MECOM: variants seen among roughly 807,000 people sequenced by gnomAD.
MECOM encodes MDS1 and EVI1 complex locus.
In MECOM, 13 loss-of-function variants were observed where a neutral mutation model predicts 116.3. The observed-to-expected ratio is 0.11, with a 90% CI of 0.07 to 0.18. MECOM has a LOEUF of 0.18. Among genes scored for constraint, MECOM ranks in the 10% least tolerant of loss-of-function variants. The pLI is 1.00. For missense variants in MECOM, 1,299 were observed against 1,509.0 expected, an observed-to-expected ratio of 0.86 and a Z score of 2.31; for synonymous variants, 528 against 535.2, an observed-to-expected ratio of 0.99 and a Z score of 0.19.
At chr3:169,117,587 T>A (rs1452043127) in intron 7 of MECOM, among the ~76,000 whole-genome samples, 1 of 152,230 alleles carries the variant, frequency 6.6e-6, no homozygotes, top group Non-Finnish European at 1.5e-5. Flanking sequence ...ACACTGGTTA[T>A]CTCAGGCTTG....
chr3:169,190,828 T>C (rs1451616501), intron 2 of MECOM, among the ~76,000 whole-genome samples: 1 of 152,052 alleles, frequency 6.6e-6, no homozygotes, highest in Admixed American at 6.6e-5. Flanking sequence ...AGTTTGAAGA[T>C]GGCCAGAAAC....
chr3:169,156,446 C>T (rs1742003342), intron 2 of MECOM, among the ~76,000 whole-genome samples: 1 of 152,074 alleles, frequency 6.6e-6, no homozygotes, highest in African/African-American at 2.4e-5. Flanking sequence ...CTGTTCTCAA[C>T]TCTTGATAAA....
chr3:169,134,128 T>C (rs764208461), intron 3 of MECOM, among the ~76,000 whole-genome samples: 1 of 152,240 alleles, frequency 6.6e-6, no homozygotes, highest in Non-Finnish European at 1.5e-5. Context: ...AGTATTATGA[T>C]ATCATTATTT....
chr3:169,129,787 C>A (rs1246586354), intron 4 of MECOM, among the ~76,000 whole-genome samples: 2 of 152,144 alleles, frequency 1.3e-5, no homozygotes, highest in Non-Finnish European at 2.9e-5. Flanking sequence ...GCTGACCTCA[C>A]CACTTACTAG....
chr3:169,591,494 G>A (rs1430490470), intron 1 of MECOM, among the ~76,000 whole-genome samples: 2 of 152,108 alleles, frequency 1.3e-5, no homozygotes, highest in Non-Finnish European at 2.9e-5. Flanking sequence ...ATGATACTTA[G>A]GGTTTATTTC....
intron 1 of MECOM, among the ~76,000 whole-genome samples, chr3:169,452,277 C>T (rs1188547238): frequency 6.6e-6 from 1 of 151,914 alleles, no homozygotes; most frequent in Non-Finnish European, 1.5e-5. Flanking sequence ...AAACACACGC[C>T]TTTCCCTTAT....
chr3:169,404,501 G>C (rs530860752), intron 1 of MECOM, among the ~76,000 whole-genome samples: 58 of 152,280 alleles, frequency 3.8e-4, no homozygotes, highest in African/African-American at 1.2e-3. Flanking sequence ...ATAAAGCAGA[G>C]AAAATCCAAA....
At chr3:169,567,405 T>G (rs957253415) in intron 1 of MECOM, among the ~76,000 whole-genome samples, 1 of 152,230 alleles carries the variant, frequency 6.6e-6, no homozygotes, top group African/African-American at 2.4e-5. Context: ...AAGACTCTTT[T>G]AATTCAAAGG....
chr3:169,309,036 T>C (rs1284581179), intron 2 of MECOM, among the ~76,000 whole-genome samples: 1 of 152,222 alleles, frequency 6.6e-6, no homozygotes, highest in Admixed American at 6.5e-5. Context: ...TAACCCATCA[T>C]AACACACATT....
chr3:169,635,453 C>T (rs1403748692), intron 1 of MECOM, among the ~76,000 whole-genome samples: 2 of 152,216 alleles, frequency 1.3e-5, no homozygotes, highest in African/African-American at 4.8e-5. Context: ...TTAGCCTCAT[C>T]TCCCATTGCT....
rs142634303 is a variant in MECOM, at chr3:169,562,005, G to A, written c.37+101331C>T. On this transcript the variant is annotated intron_variant, in intron 1 of 16. Coordinates refer to ENST00000651503, the MANE Select transcript of MECOM (RefSeq NM_004991.4). ...TACTAAAAATACAAAAATTAGCCCG[G>A]CATGGTGGTGTGTGCCTATAGTCCC... is the stretch of plus-strand genomic sequence containing the variant. Among the ~76,000 whole-genome samples, 602 of 151,688 alleles carry A rather than the reference G, an allele frequency of 4.0e-3. 1 individual carries two copies. The highest frequency in any genetic ancestry group is 5.8e-3 in the Admixed American group (89 of 15,242).
At chr3:169,368,207 T>A (rs1204500693) in intron 2 of MECOM, among the ~76,000 whole-genome samples, 1 of 152,056 alleles carries the variant, frequency 6.6e-6, no homozygotes, top group African/African-American at 2.4e-5. Context: ...CACAATATTT[T>A]ACCAATCTTC....
intron 2 of MECOM, among the ~76,000 whole-genome samples, chr3:169,275,888 T>C (rs112918795): frequency 3.9e-5 from 6 of 152,364 alleles, no homozygotes; most frequent in African/African-American, 9.6e-5. Context: ...CCATGCTGAA[T>C]TGAATTCTTA....
rs540287288 is a variant in MECOM, at chr3:169,472,276, A to G, written c.38-90752T>C. ...CCAATGGTGCCTATAATATTGTGTA[A>G]AAAAAAAAACAATAATAATAATATA... is the stretch of plus-strand genomic sequence containing the variant. On this transcript the variant is annotated intron_variant, in intron 1 of 16. Coordinates refer to ENST00000651503, the MANE Select transcript of MECOM (RefSeq NM_004991.4). Among the ~76,000 whole-genome samples the G allele has an allele frequency of 4.7e-5, 7 of 148,238 alleles. No homozygotes were observed. The South Asian group carries it at 1.6e-3, about 34-fold the overall frequency.
chr3:169,399,718 T>G (rs566301384), intron 1 of MECOM, among the ~76,000 whole-genome samples: 60 of 152,338 alleles, frequency 3.9e-4, no homozygotes, highest in African/African-American at 1.1e-3. Flanking sequence ...CAGAAAGTTT[T>G]GTTTTATGTT....
chr3:169,170,958 G>C (rs55745355), intron 2 of MECOM, among the ~76,000 whole-genome samples: 10,677 of 152,116 alleles, frequency 0.07, 469 homozygotes, highest in South Asian at 0.19. Context: ...CTTCCATATA[G>C]ATATGATAAA....
chr3:169,403,488 G>A (rs16853663), intron 1 of MECOM, among the ~76,000 whole-genome samples: 17,611 of 152,096 alleles, frequency 0.12, 1,230 homozygotes, highest in Admixed American at 0.24. Flanking sequence ...TTTACAAGAC[G>A]TATTTTCTCT....
In MECOM at chr3:169,611,155, C is replaced by G. The variant is rs573732824; in HGVS notation, c.37+52181G>C. 1.0e-3 allele frequency among the ~76,000 whole-genome samples: 152 copies of G among 152,216 alleles called. No individual in the cohort carries two copies. Among genetic ancestry groups the G allele is most frequent in the Non-Finnish European group, 1.4e-3 (98 of 68,046 alleles). Reference sequence around the variant, plus strand: ...TTTTTAACACATGCTTCAGGTGGTTCTAAGCTTAGGAAACCTTGCCCAAAG... The same window carrying G: ...TTTTTAACACATGCTTCAGGTGGTTGTAAGCTTAGGAAACCTTGCCCAAAG... On this transcript the variant is annotated intron_variant, in intron 1 of 16. Transcript: ENST00000651503. This position sits in a 1 kb window ranked among gnomAD's most constrained non-coding sequence, Gnocchi z 4.1.
intron 2 of MECOM, among the ~76,000 whole-genome samples, chr3:169,317,125 G>A (rs1359418634): frequency 6.6e-6 from 1 of 152,120 alleles, no homozygotes; most frequent in Non-Finnish European, 1.5e-5. Context: ...AGGGATAAGG[G>A]TTTCAGTGGT....
Sources: allele counts gnomAD v4.1 joint callset (sites outside exome capture counted in the v4.1 genomes callset), GRCh38; gene constraint gnomAD v4.1.1; non-coding constraint Gnocchi (gnomAD v3.1); transcripts MANE v1.5; gene names NCBI Gene and HGNC (gene_info 2026-07-23, HGNC 2026-07-21).